Variants in LRCH3 observed in about 807,000 individuals in gnomAD.
The protein encoded by LRCH3 is DISP complex protein LRCH3.
LRCH3 carries 68 observed loss-of-function variants against 104.5 expected under a neutral mutation model. The observed-to-expected ratio is 0.65, with a 90% CI of 0.54 to 0.80. LRCH3 has a LOEUF of 0.80. LRCH3 is among the 30% of genes least tolerant of loss of function. LRCH3 has a pLI of 0.00. For synonymous variants in LRCH3, 344 were observed against 361.3 expected (o/e 0.95, Z 0.54); for missense variants, 951 against 953.9 (o/e 1.00, Z 0.04).
chr3:197,831,055 A>G lies in LRCH3; in HGVS notation c.981+192A>G. On this transcript the variant is annotated intron_variant, in intron 7 of 20. Coordinates refer to ENST00000425562, the MANE Select transcript of LRCH3 (RefSeq NM_001365715.1). ...TCCTTACCGGCTTTCTGTCACGTGG[A>G]TTTCCGCCTGTTTCCTCATTGCCTC... 3 of 490,292 alleles carry G rather than the reference A, an allele frequency of 6.1e-6. No individual in the cohort carries two copies. In the South Asian group the frequency reaches 7.9e-5, roughly 13 times the overall value. 30.4% of individuals were successfully genotyped at this position (490,292 alleles called of 1,614,324 possible).
intron 5 of LRCH3, among the ~76,000 whole-genome samples, chr3:197,828,036 C>A (rs1250487858): frequency 2.1e-5 from 3 of 141,706 alleles, no homozygotes; most frequent in Middle Eastern, 4.3e-3. Flanking sequence ...GAGATGGCGC[C>A]ACTGCACTCC....
intron 1 of LRCH3, among the ~76,000 whole-genome samples, chr3:197,805,417 G>A (rs554567186): frequency 1.3e-5 from 2 of 152,334 alleles, no homozygotes; most frequent in Admixed American, 6.5e-5. Context: ...GTCTGGATTT[G>A]GGTGTAGGCT....
chr3:197,846,100 T>G (rs779896385), intron 10 of LRCH3, among the ~76,000 whole-genome samples: 5 of 152,040 alleles, frequency 3.3e-5, no homozygotes, highest in Non-Finnish European at 7.4e-5. Context: ...TTAATTCCTG[T>G]TACTCTAAAT....
chr3:197,840,000 A>G (rs1737558254), intron 10 of LRCH3, among the ~76,000 whole-genome samples: 1 of 152,044 alleles, frequency 6.6e-6, no homozygotes, highest in Non-Finnish European at 1.5e-5. Context: ...AAAATACAAA[A>G]AACGAATTTC....
At chr3:197,869,102 T>C (rs945779730) in intron 17 of LRCH3, among the ~76,000 whole-genome samples, 1 of 152,234 alleles carries the variant, frequency 6.6e-6, no homozygotes, top group African/African-American at 2.4e-5. Flanking sequence ...AAAAACCCTT[T>C]TAAAAAGTCA....
chr3:197,886,825 A>AAC lies in LRCH3; in HGVS notation c.*3159_*3160insAC, dbSNP rs1392071335. 3 of 149,834 alleles carry AAC rather than the reference A, an allele frequency of 2.0e-5. No individual in the cohort carries two copies. The highest frequency in any genetic ancestry group is 5.0e-5 in the African/African-American group (2 of 40,238). The allele number at this position is 149,834 out of a possible 1,614,324, so 9.3% of individuals were successfully genotyped here. ...GTCTCAAAAAAAAAAAAAAAAAAAA[A>AAC]CCCACCAAACCAAAAATATACTATG... On this transcript the variant is annotated 3_prime_UTR_variant, in exon 21 of 21. Coordinates refer to ENST00000425562, the MANE Select transcript of LRCH3 (RefSeq NM_001365715.1).
At chr3:197,881,932 C>T in intron 20 of LRCH3, 2 of 985,424 alleles carry the variant, frequency 2.0e-6, no homozygotes, top group Non-Finnish European at 2.4e-6. Context: ...AAAGACTGTT[C>T]ACTATTAATG....
chr3:197,827,100 G>A (rs1041722360), intron 5 of LRCH3, 86 bp downstream of exon 5: 1 of 1,565,036 alleles, frequency 6.4e-7, no homozygotes. Context: ...CATAGTGGAA[G>A]CATCAGGTAA....
chr3:197,811,884 T>A (rs912393326), intron 1 of LRCH3, among the ~76,000 whole-genome samples: 5 of 152,352 alleles, frequency 3.3e-5, no homozygotes, highest in Non-Finnish European at 7.4e-5. Flanking sequence ...TTGTGTATTA[T>A]TCATTTTATT....
rs754494401 is a variant in LRCH3 at position 197,866,117 on chromosome 3, C to T, written c.1771C>T (p.His591Tyr). ...TATTTTTCATGCTAATTTAGTTCAT[C>T]ATTCCCCTGCATATTCTTTTCCTGC... ...LSSPATETVH[H>Y]SPAYSFPAAI... Residue 591 changes from histidine (H) to tyrosine (Y), a missense_variant, in exon 17 of 21, where the codon CAT becomes TAT. His to Tyr is a moderately conservative substitution (Grantham distance 83). Coordinates refer to ENST00000425562, the MANE Select transcript of LRCH3 (RefSeq NM_001365715.1). 3.7e-6 allele frequency: 6 copies of T among 1,610,268 alleles called. No individual in the cohort carries two copies. Among genetic ancestry groups the T allele is most frequent in the Non-Finnish European group, 5.1e-6 (6 of 1,176,508 alleles).
At chr3:197,836,130 CA>C (rs1390498241) in intron 9 of LRCH3, among the ~76,000 whole-genome samples, 4 of 152,262 alleles carry the variant, frequency 2.6e-5, no homozygotes, top group African/African-American at 9.6e-5. Flanking sequence ...TGATGCTTTT[CA>C]TTGTTGTTTT....
At chr3:197,857,410 C>G (rs1310596231) in intron 14 of LRCH3, among the ~76,000 whole-genome samples, 2 of 145,970 alleles carry the variant, frequency 1.4e-5, no homozygotes, top group South Asian at 2.1e-4. Flanking sequence ...CACTGACATT[C>G]TCTTCCGGCT....
rs79268953 is a variant in LRCH3, at chr3:197,845,398, G to C, written c.1329-2011G>C. ...AAGCCTGGACAACAGAGTGAGATGA[G>C]ACTCTGTCAAAAAAAAAAAAAAAAG... On this transcript the variant is annotated intron_variant, in intron 10 of 20. Coordinates refer to ENST00000425562, the MANE Select transcript of LRCH3 (RefSeq NM_001365715.1). 5.2e-4 allele frequency among the ~76,000 whole-genome samples: 69 copies of C among 133,942 alleles called. 1 individual carries two copies. In the East Asian group the frequency reaches 0.011, roughly 21 times the overall value. 87.9% of individuals were successfully genotyped at this position (133,942 alleles called of 152,430 possible). A position where few individuals can be genotyped will look rare whatever the true frequency, so the allele number is the denominator to read the frequency against.
chr3:197,815,744 G>A (rs1393347047), intron 2 of LRCH3, among the ~76,000 whole-genome samples: 1 of 152,146 alleles, frequency 6.6e-6, no homozygotes, highest in East Asian at 1.9e-4. Context: ...TATTCAACTA[G>A]TCTACTCCAC....
chr3:197,846,675 G>A (rs1342215536), intron 10 of LRCH3, among the ~76,000 whole-genome samples: 1 of 152,128 alleles, frequency 6.6e-6, no homozygotes, highest in South Asian at 2.1e-4. Context: ...TTCAGTGCCT[G>A]TAGATCAGCC....
At chr3:197,847,356 G>T in intron 10 of LRCH3, 53 bp from the exon 11 acceptor site, 1 of 1,483,570 alleles carries the variant, frequency 6.7e-7, no homozygotes, top group South Asian at 1.3e-5. Context: ...TTATGTATCT[G>T]TTTGTCTTTT....
intron 1 of LRCH3, among the ~76,000 whole-genome samples, chr3:197,796,610 T>A (rs2109094706): frequency 6.6e-6 from 1 of 152,340 alleles, no homozygotes; most frequent in African/African-American, 2.4e-5. Flanking sequence ...GGTATTGTGC[T>A]AAGCTGTGTG....
At chr3:197,820,494 C>A in intron 4 of LRCH3, 64 bp downstream of exon 4, 1 of 1,113,794 alleles carries the variant, frequency 9.0e-7, no homozygotes, top group Non-Finnish European at 1.3e-6. Flanking sequence ...CTCTCTCAGA[C>A]CAATCAAGAC....
chr3:197,809,661 A>AT (rs1219001935), intron 1 of LRCH3, among the ~76,000 whole-genome samples: 1 of 148,832 alleles, frequency 6.7e-6, no homozygotes, highest in Non-Finnish European at 1.5e-5. Context: ...CAGCTCACTG[A>AT]TTCTTTCCTC....
Sources: allele counts gnomAD v4.1 joint callset (sites outside exome capture counted in the v4.1 genomes callset), GRCh38; gene constraint gnomAD v4.1.1; transcripts MANE v1.5; gene names NCBI Gene and HGNC (gene_info 2026-07-23, HGNC 2026-07-21).